The following GSG1L variants were observed in gnomAD, a reference collection of about 807,000 sequenced individuals.
The protein encoded by GSG1L is germ cell-specific gene 1-like protein.
In GSG1L, 24 loss-of-function variants were observed where a neutral mutation model predicts 42.1. The observed-to-expected ratio is 0.57, with a 90% CI of 0.41 to 0.80. GSG1L has a LOEUF of 0.80. GSG1L is among the 30% of genes least tolerant of loss of function. The pLI is 0.00. For synonymous variants in GSG1L, 215 were observed against 203.5 expected (o/e 1.06, Z -0.48); for missense variants, 445 against 472.2 (o/e 0.94, Z 0.53).
intron 2 of GSG1L, among the ~76,000 whole-genome samples, chr16:27,903,371 C>T (rs1397557400): frequency 8.5e-5 from 13 of 152,100 alleles, no homozygotes. Flanking sequence ...GGGGAGACTT[C>T]TGCAGGGCTC....
chr16:28,032,774 A>T (rs541595111), intron 1 of GSG1L, among the ~76,000 whole-genome samples: 1 of 152,106 alleles, frequency 6.6e-6, no homozygotes, highest in South Asian at 2.1e-4. Flanking sequence ...TCCACATCCA[A>T]TTTGTCAGCA....
rs2082722716 is a variant in GSG1L, at chr16:27,789,108, C to T, written c.*2262G>A. 8 of 151,916 alleles carry T rather than the reference C, an allele frequency of 5.3e-5. No homozygotes were observed. The highest frequency in any genetic ancestry group is 5.2e-4 in the Admixed American group (8 of 15,250). The allele number at this position is 151,916 out of a possible 1,614,324, so 9.4% of individuals were successfully genotyped here. ...GGAAGTCTGATACAAGGAAGGATGA[C>T]AAGCAATCAATAGAAGATGGATAGA... is the stretch of plus-strand genomic sequence containing the variant. On this transcript the variant is annotated 3_prime_UTR_variant, in exon 7 of 7. Coordinates refer to ENST00000447459, the MANE Select transcript of GSG1L (RefSeq NM_001109763.2).
intron 2 of GSG1L, among the ~76,000 whole-genome samples, chr16:27,950,160 C>T (rs572028132): frequency 1.5e-3 from 223 of 152,272 alleles, no homozygotes; most frequent in Admixed American, 2.6e-3. Flanking sequence ...GTTATATTAT[C>T]ATTTCTCATA....
intron 1 of GSG1L, among the ~76,000 whole-genome samples, chr16:28,005,770 C>A (rs1430890499): frequency 2.6e-5 from 4 of 152,100 alleles, no homozygotes; most frequent in Non-Finnish European, 5.9e-5. Flanking sequence ...TAGAGACCGG[C>A]AGAATAAAGG....
In GSG1L at chr16:27,981,732, C is replaced by G. The variant is rs535330115; in HGVS notation, c.350-18529G>C. 2.0e-5 allele frequency among the ~76,000 whole-genome samples: 3 copies of G among 152,258 alleles called. No individual in the cohort carries two copies. The East Asian group carries it at 5.8e-4, about 29-fold the overall frequency. ...CCGCTTGGCATCATGACTGCTACAC[C>G]GTGGCCTCCAGACATACGTTGCTTG... is the stretch of plus-strand genomic sequence containing the variant. On this transcript the variant is annotated intron_variant, in intron 1 of 6. Coordinates refer to ENST00000447459, the MANE Select transcript of GSG1L (RefSeq NM_001109763.2).
At chr16:27,899,933 C>T (rs2084237357) in intron 2 of GSG1L, among the ~76,000 whole-genome samples, 1 of 152,174 alleles carries the variant, frequency 6.6e-6, no homozygotes, top group Admixed American at 6.5e-5. Flanking sequence ...GATGTGGATT[C>T]CACATTTGCC....
At chr16:27,942,058 A>G (rs1246392468) in intron 2 of GSG1L, among the ~76,000 whole-genome samples, 1 of 152,082 alleles carries the variant, frequency 6.6e-6, no homozygotes, top group Non-Finnish European at 1.5e-5. Flanking sequence ...GGATGTATTT[A>G]ATGCCACTGA....
intron 3 of GSG1L, among the ~76,000 whole-genome samples, chr16:27,869,654 T>G (rs564985675): frequency 6.2e-5 from 9 of 144,042 alleles, no homozygotes; most frequent in East Asian, 4.2e-4. Context: ...CCTCTCTGTC[T>G]TCCTCCATCT....
intron 1 of GSG1L, among the ~76,000 whole-genome samples, chr16:28,025,256 G>A (rs2085887003): frequency 6.6e-6 from 1 of 152,170 alleles, no homozygotes; most frequent in Non-Finnish European, 1.5e-5. Context: ...GTGGGTGCAG[G>A]AAAGGGAGAT....
At chr16:27,814,682 C>A (rs1461667118) in intron 5 of GSG1L, among the ~76,000 whole-genome samples, 1 of 125,058 alleles carries the variant, frequency 8.0e-6, no homozygotes, top group Non-Finnish European at 1.6e-5. Flanking sequence ...GAGAACCCGT[C>A]TCAAGGAAAA....
intron 1 of GSG1L, among the ~76,000 whole-genome samples, chr16:28,000,603 A>T (rs2085570019): frequency 6.6e-6 from 1 of 152,118 alleles, no homozygotes; most frequent in Non-Finnish European, 1.5e-5. Context: ...GGGGAAATGA[A>T]ATCTATTTTT....
chr16:27,847,442 A>G (rs146222533), intron 3 of GSG1L, among the ~76,000 whole-genome samples: 185 of 152,278 alleles, frequency 1.2e-3, no homozygotes, highest in African/African-American at 4.1e-3. Context: ...TGCTAGTCCA[A>G]ACTGAGGAAG....
chr16:28,001,828 C>T (rs2141144690), intron 1 of GSG1L, among the ~76,000 whole-genome samples: 2 of 152,360 alleles, frequency 1.3e-5, no homozygotes, highest in South Asian at 4.1e-4. Context: ...CTGCTACGAT[C>T]ACCACTCCGT....
intron 2 of GSG1L, among the ~76,000 whole-genome samples, chr16:27,895,364 C>T (rs901740785): frequency 5.3e-5 from 8 of 152,216 alleles, no homozygotes; most frequent in African/African-American, 1.7e-4. Flanking sequence ...ACCCTTCATG[C>T]GTCTTGCCGG....
intron 2 of GSG1L, among the ~76,000 whole-genome samples, chr16:27,896,279 A>G (rs1178876873): frequency 6.6e-6 from 1 of 152,210 alleles, no homozygotes; most frequent in Non-Finnish European, 1.5e-5. Context: ...ATGCTGCACT[A>G]AGACATTTGA....
At chr16:27,843,332 G>A (rs1247555677) in intron 4 of GSG1L, among the ~76,000 whole-genome samples, 1 of 151,908 alleles carries the variant, frequency 6.6e-6, no homozygotes, top group Non-Finnish European at 1.5e-5. Flanking sequence ...TCTCCCCCAG[G>A]GTCTAAATCA....
chr16:27,845,128 G>A lies in GSG1L; in HGVS notation c.551-67C>T, dbSNP rs111653519. ...AGGGCTTTGTCCCCACACACCCACAGCCTCTCTGCTGCCTGCCTGCCTGTC... is the reference window on the plus strand; with the variant it reads ...AGGGCTTTGTCCCCACACACCCACAACCTCTCTGCTGCCTGCCTGCCTGTC... On this transcript the variant is annotated intron_variant, in intron 3 of 6. Transcript: ENST00000447459. 3.0e-4 allele frequency: 316 copies of A among 1,039,642 alleles called. 1 individual carries two copies. The African/African-American group carries it at 4.4e-3, about 14-fold the overall frequency. The allele number at this position is 1,039,642 out of a possible 1,614,324, so 64.4% of individuals were successfully genotyped here.
chr16:27,957,674 C>T (rs1010153063), intron 2 of GSG1L, among the ~76,000 whole-genome samples: 1 of 152,162 alleles, frequency 6.6e-6, no homozygotes. Context: ...AGCTAGACAG[C>T]CTGGTTTAAA....
chr16:27,868,134 G>A (rs1057407310), intron 3 of GSG1L, among the ~76,000 whole-genome samples: 1 of 152,220 alleles, frequency 6.6e-6, no homozygotes, highest in Non-Finnish European at 1.5e-5. Context: ...AGGCCTGATG[G>A]CCTGCAGACT....
Sources: allele counts gnomAD v4.1 joint callset (sites outside exome capture counted in the v4.1 genomes callset), GRCh38; gene constraint gnomAD v4.1.1; transcripts MANE v1.5; gene names NCBI Gene and HGNC (gene_info 2026-07-23, HGNC 2026-07-21).